The following RBFOX1 variants were observed in gnomAD, a reference collection of about 807,000 sequenced individuals.
The protein encoded by RBFOX1 is RNA binding fox-1 homolog 1, also known as RNA binding protein fox-1 homolog 1.
Under a neutral mutation model 57.7 loss-of-function variants are expected in RBFOX1, and 8 were observed. The observed-to-expected ratio is 0.14, with a 90% CI of 0.08 to 0.25. The LOEUF is 0.25. Among genes scored for constraint, RBFOX1 ranks in the 10% least tolerant of loss-of-function variants. RBFOX1 has a pLI of 1.00. For synonymous variants in RBFOX1, 326 were observed against 222.4 expected (o/e 1.47, Z -4.15); for missense variants, 611 against 548.5 (o/e 1.11, Z -1.14).
chr16:7,344,009 T>C (rs1247967463), intron 4 of RBFOX1, among the ~76,000 whole-genome samples: 1 of 152,000 alleles, frequency 6.6e-6, no homozygotes, highest in African/African-American at 2.4e-5. Context: ...GCCTCAATCT[T>C]GAGTGTTTTC....
intron 2 of RBFOX1, among the ~76,000 whole-genome samples, chr16:6,342,006 ATACT>A (rs1289089424): frequency 1.3e-5 from 2 of 152,188 alleles, no homozygotes; most frequent in Non-Finnish European, 2.9e-5. Context: ...AAAACATAAA[ATACT>A]TACAGGTTCC....
intron 10 of RBFOX1, 46 bp from the exon 11 acceptor site, chr16:7,630,557 T>G: frequency 4.3e-6 from 7 of 1,611,176 alleles, no homozygotes; most frequent in Non-Finnish European, 5.9e-6. Context: ...TCAGGTGTAG[T>G]GTACCGATTC....
At chr16:5,937,116 A>C (rs112638710) in intron 4 of RBFOX1, among the ~76,000 whole-genome samples, 1 of 152,216 alleles carries the variant, frequency 6.6e-6, no homozygotes, top group Non-Finnish European at 1.5e-5. Flanking sequence ...ATTTATAAAT[A>C]AGGCCAAAAT....
intron 3 of RBFOX1, among the ~76,000 whole-genome samples, chr16:5,722,063 A>G (rs186421149): frequency 5.8e-4 from 89 of 152,360 alleles, no homozygotes; most frequent in African/African-American, 2.1e-3. Flanking sequence ...AATCCGAAGT[A>G]TTGAACTCTG....
rs1054741273 is a variant in RBFOX1, at chr16:7,382,181, C to T, written c.28-135966C>T. 3.3e-5 allele frequency among the ~76,000 whole-genome samples: 5 copies of T among 152,154 alleles called. No homozygotes were observed. In the South Asian group the frequency reaches 6.2e-4, roughly 19 times the overall value. On this transcript the variant is annotated intron_variant, in intron 4 of 15. Transcript: ENST00000550418. ...AAGTGACAAAAGCCAATATATCACA[C>T]TTAGCCACTATGAAGACTCCATTTC...
intron 4 of RBFOX1, chr16:7,333,129 G>T (rs771885074): frequency 3.2e-6 from 5 of 1,566,982 alleles, no homozygotes; most frequent in Non-Finnish European, 4.4e-6. Context: ...TAACTCCAGA[G>T]TGCTCAGAGT....
chr16:7,005,655 A>C (rs796543975), intron 3 of RBFOX1, among the ~76,000 whole-genome samples: 3 of 152,300 alleles, frequency 2.0e-5, no homozygotes, highest in African/African-American at 7.2e-5. Context: ...TGTTGAACAC[A>C]AACAATTTCA....
chr16:5,409,229 G>A (rs1006865282), intron 1 of RBFOX1, among the ~76,000 whole-genome samples: 1 of 152,196 alleles, frequency 6.6e-6, no homozygotes, highest in Admixed American at 6.5e-5. Context: ...GAAGGCGATG[G>A]CTTGGCCTTC....
chr16:5,960,156 G>A (rs776273227), intron 4 of RBFOX1, among the ~76,000 whole-genome samples: 5 of 152,130 alleles, frequency 3.3e-5, no homozygotes, highest in South Asian at 2.1e-4. Context: ...AGCCAAGATC[G>A]TGCCATTGCA....
chr16:7,198,062 G>A (rs1312604123), intron 4 of RBFOX1, among the ~76,000 whole-genome samples: 23 of 126,110 alleles, frequency 1.8e-4, no homozygotes, highest in African/African-American at 5.7e-4. Flanking sequence ...CTGGAATGCC[G>A]TGGAGCGATC....
intron 4 of RBFOX1, among the ~76,000 whole-genome samples, chr16:7,403,557 G>A (rs1455449607): frequency 7.8e-6 from 1 of 127,836 alleles, no homozygotes; most frequent in Non-Finnish European, 1.6e-5. Context: ...TTGCAAATGA[G>A]AGAATCCCCC....
intron 4 of RBFOX1, among the ~76,000 whole-genome samples, chr16:7,262,783 A>T (rs1271426508): frequency 6.6e-6 from 1 of 152,264 alleles, no homozygotes; most frequent in East Asian, 1.9e-4. Flanking sequence ...GGCAGTTGTA[A>T]GCTCAGGAAT....
intron 3 of RBFOX1, among the ~76,000 whole-genome samples, chr16:5,861,222 G>C (rs1242096096): frequency 6.6e-6 from 1 of 152,184 alleles, no homozygotes; most frequent in Non-Finnish European, 1.5e-5. Context: ...GCAGCCAGCT[G>C]GGTCTGTTCA....
intron 4 of RBFOX1, among the ~76,000 whole-genome samples, chr16:7,271,154 G>T (rs554490967): frequency 2.6e-5 from 4 of 152,234 alleles, no homozygotes; most frequent in Admixed American, 1.3e-4. Context: ...TAAAATTCAC[G>T]TCCATATTCT....
intron 5 of RBFOX1, among the ~76,000 whole-genome samples, chr16:7,546,245 T>G (rs2084487577): frequency 6.6e-6 from 1 of 151,938 alleles, no homozygotes; most frequent in Non-Finnish European, 1.5e-5. Context: ...GAGAATCGTT[T>G]GAACCCGGAG....
chr16:5,265,242 A>G (rs997399880), intron 1 of RBFOX1, among the ~76,000 whole-genome samples: 1 of 152,188 alleles, frequency 6.6e-6, no homozygotes, highest in Non-Finnish European at 1.5e-5. Flanking sequence ...GACTTGGACT[A>G]TTTCAGTCTT....
At chr16:7,138,047 A>C (rs569638558) in intron 4 of RBFOX1, among the ~76,000 whole-genome samples, 1 of 152,328 alleles carries the variant, frequency 6.6e-6, no homozygotes, top group South Asian at 2.1e-4. Context: ...CTGGAATTTT[A>C]GTCACCATCT....
rs187392311 is a variant in RBFOX1 at position 6,621,395 on chromosome 16, C to T, written c.-63-33208C>T. 1.4e-3 allele frequency among the ~76,000 whole-genome samples: 207 copies of T among 152,256 alleles called. 1 individual carries two copies. The East Asian group carries it at 0.017, about 13-fold the overall frequency. ...AGGAGAATGGCGTGAACCCGGGAGG[C>T]GGAGCTTGCAGTGAACCAAGATTGC... On this transcript the variant is annotated intron_variant, in intron 2 of 15. Coordinates refer to ENST00000550418, the MANE Select transcript of RBFOX1 (RefSeq NM_018723.4).
At chr16:5,865,171 C>T (rs1427986790) in intron 3 of RBFOX1, among the ~76,000 whole-genome samples, 1 of 152,054 alleles carries the variant, frequency 6.6e-6, no homozygotes, top group East Asian at 1.9e-4. Flanking sequence ...GTAGTTCTGC[C>T]CAAGGCTCAT....
Sources: allele counts gnomAD v4.1 joint callset (sites outside exome capture counted in the v4.1 genomes callset), GRCh38; gene constraint gnomAD v4.1.1; transcripts MANE v1.5; gene names NCBI Gene and HGNC (gene_info 2026-07-23, HGNC 2026-07-21).